The following IL1RL2 variants were observed in gnomAD, a reference collection of about 807,000 sequenced individuals.
IL1RL2 encodes the protein interleukin 1 receptor like 2.
IL1RL2 carries 68 observed loss-of-function variants against 66.8 expected under a neutral mutation model. The observed-to-expected ratio is 1.02, with a 90% CI of 0.84 to 1.25. The LOEUF is 1.25. IL1RL2 is among the 50% of genes most tolerant of loss of function. The probability of loss-of-function intolerance (pLI) is 0.00; values close to 1 mark genes in which losing one functional copy is unlikely to be tolerated. For synonymous variants in IL1RL2, 305 were observed against 264.6 expected (o/e 1.15, Z -1.48); for missense variants, 729 against 709.3 (o/e 1.03, Z -0.32).
In IL1RL2 at chr2:102,239,244, C is replaced by T. The variant is rs1170733886; in HGVS notation, c.*3C>T. The T allele has an allele frequency of 1.2e-6, 2 of 1,613,576 alleles. No homozygotes were observed. The highest frequency in any genetic ancestry group is 1.7e-5 in the Admixed American group (1 of 60,010). On this transcript the variant is annotated 3_prime_UTR_variant, in exon 12 of 12. Transcript: ENST00000264257. ...AGTGTACTCTCACGACTGGCTAAGA[C>T]TTGCTGGACTGACACCTATGGCTGG... is the stretch of plus-strand genomic sequence containing the variant.
At chr2:102,219,625 G>A (rs113996202) in intron 7 of IL1RL2, among the ~76,000 whole-genome samples, 603 of 152,260 alleles carry the variant, frequency 4.0e-3, no homozygotes, top group African/African-American at 0.014. Context: ...GAGAGGAATA[G>A]GGGAAAGGCC....
At chr2:102,234,777 A>T in intron 10 of IL1RL2, 120 bp from the exon 11 acceptor site, 5 of 865,656 alleles carry the variant, frequency 5.8e-6, no homozygotes, top group Non-Finnish European at 8.9e-6. Context: ...ACACAGTGAG[A>T]CTTCACTTCA....
chr2:102,236,332 A>G (rs559302942), intron 11 of IL1RL2, among the ~76,000 whole-genome samples: 3 of 152,184 alleles, frequency 2.0e-5, no homozygotes, highest in Non-Finnish European at 4.4e-5. Context: ...GGGTGTCAGG[A>G]GGCCTGTGGT....
chr2:102,231,361 G>A (rs1023340933), intron 9 of IL1RL2, among the ~76,000 whole-genome samples: 2 of 152,136 alleles, frequency 1.3e-5, no homozygotes, highest in Non-Finnish European at 2.9e-5. Context: ...AGCCGGGCCT[G>A]GTGGCGGGCG....
intron 5 of IL1RL2, among the ~76,000 whole-genome samples, chr2:102,206,797 C>A (rs1186391467): frequency 6.6e-6 from 1 of 152,240 alleles, no homozygotes; most frequent in Non-Finnish European, 1.5e-5. Flanking sequence ...GCCAGCCAGG[C>A]CTGTGTCCCT....
intron 9 of IL1RL2, among the ~76,000 whole-genome samples, chr2:102,232,533 C>T (rs1459846549): frequency 2.6e-5 from 4 of 152,130 alleles, no homozygotes; most frequent in Admixed American, 6.5e-5. Context: ...GTTATGTTGC[C>T]GAGGCTAGTC....
rs539563944 is a variant in IL1RL2, at chr2:102,239,475, T to C, written c.*234T>C. On this transcript the variant is annotated 3_prime_UTR_variant, in exon 12 of 12. Transcript: ENST00000264257. ...CATGGAGGGTGAGAGCTGGGGGTTATCCCCATGGTCATGGAGGGTGAGGGC... is the reference window on the plus strand; with the variant it reads ...CATGGAGGGTGAGAGCTGGGGGTTACCCCCATGGTCATGGAGGGTGAGGGC... 4.5e-6 allele frequency: 2 copies of C among 448,182 alleles called. No individual in the cohort carries two copies. Among genetic ancestry groups the C allele is most frequent in the South Asian group, 4.6e-5 (2 of 43,380 alleles). 27.8% of individuals were successfully genotyped at this position (448,182 alleles called of 1,614,324 possible).
chr2:102,220,662 A>G (rs776439995), intron 8 of IL1RL2, among the ~76,000 whole-genome samples: 2 of 148,220 alleles, frequency 1.3e-5, no homozygotes, highest in South Asian at 2.1e-4. Context: ...TCTTGATTCT[A>G]TTAATATCAT....
intron 11 of IL1RL2, 122 bp from the exon 12 acceptor site, chr2:102,239,070 A>T (rs375155562): frequency 6.4e-6 from 5 of 783,748 alleles, no homozygotes; most frequent in Non-Finnish European, 2.2e-6. Context: ...AGCCTCAGGG[A>T]TATACCACCA....
intron 5 of IL1RL2, among the ~76,000 whole-genome samples, chr2:102,203,086 T>C (rs1688408042): frequency 6.6e-6 from 1 of 152,196 alleles, no homozygotes; most frequent in Non-Finnish European, 1.5e-5. Flanking sequence ...GTTTTTATCA[T>C]GACCTGCTGA....
At chr2:102,219,123 G>A in intron 7 of IL1RL2, 41 bp downstream of exon 7, 1 of 1,610,700 alleles carries the variant, frequency 6.2e-7, no homozygotes, top group Non-Finnish European at 8.5e-7. Context: ...ACGCTAGCAA[G>A]GATTTCTCCA....
In IL1RL2 at chr2:102,225,150, G is replaced by C. The variant is rs145742766; in HGVS notation, c.992-748G>C. Among the ~76,000 whole-genome samples the C allele has an allele frequency of 9.8e-5, 15 of 152,324 alleles. No homozygotes were observed. In the East Asian group the frequency reaches 2.7e-3, roughly 27 times the overall value. ...GCTGTTCCTTTTCTTGGATGTGTAGGAACATGTTTTCAGGGACTTGAGGTT... is the reference window on the plus strand; with the variant it reads ...GCTGTTCCTTTTCTTGGATGTGTAGCAACATGTTTTCAGGGACTTGAGGTT... On this transcript the variant is annotated intron_variant, in intron 8 of 11. Transcript: ENST00000264257.
chr2:102,223,613 C>G (rs550148022), intron 8 of IL1RL2, among the ~76,000 whole-genome samples: 1 of 152,176 alleles, frequency 6.6e-6, no homozygotes, highest in African/African-American at 2.4e-5. Flanking sequence ...GAGCAGAGGG[C>G]ATCAGTACTC....
At chr2:102,192,345 C>A (rs1364639365) in intron 4 of IL1RL2, among the ~76,000 whole-genome samples, 1 of 152,146 alleles carries the variant, frequency 6.6e-6, no homozygotes, top group Non-Finnish European at 1.5e-5. Flanking sequence ...GATCCACCAC[C>A]TTCCTCCAGT....
At chr2:102,212,058 T>C in intron 5 of IL1RL2, 42 bp from the exon 6 acceptor site, 1 of 1,427,524 alleles carries the variant, frequency 7.0e-7, no homozygotes, top group Non-Finnish European at 9.9e-7. Context: ...GAATGTATCA[T>C]ACGTGATTCT....
chr2:102,235,457 G>T, intron 11 of IL1RL2, 180 bp downstream of exon 11: 1 of 985,474 alleles, frequency 1.0e-6, no homozygotes, highest in Non-Finnish European at 1.2e-6. Flanking sequence ...GATCAGAGCT[G>T]CTTCTTCAGG....
intron 5 of IL1RL2, among the ~76,000 whole-genome samples, chr2:102,203,010 G>A (rs1198755131): frequency 1.3e-5 from 2 of 152,182 alleles, no homozygotes; most frequent in African/African-American, 2.4e-5. Flanking sequence ...GATACTAGCT[G>A]TGGGTCTGTC....
intron 11 of IL1RL2, among the ~76,000 whole-genome samples, chr2:102,237,654 AC>A (rs1462219115): frequency 2.6e-5 from 4 of 152,202 alleles, no homozygotes; most frequent in Admixed American, 2.6e-4. Flanking sequence ...ATGCAAAGAA[AC>A]TTTTTAAAGT....
intron 4 of IL1RL2, among the ~76,000 whole-genome samples, chr2:102,199,740 A>AT (rs1430396825): frequency 1.3e-5 from 2 of 152,200 alleles, no homozygotes; most frequent in African/African-American, 4.8e-5. Context: ...GAATGAACCC[A>AT]TCAGAAAGAG....
Sources: gnomAD v4.1 joint callset for allele counts (sites outside exome capture counted in the v4.1 genomes callset) on GRCh38, gnomAD v4.1.1 for gene constraint, MANE v1.5 for transcripts, NCBI Gene and HGNC (gene_info 2026-07-23, HGNC 2026-07-21) for gene names.